DIAPH3: variants seen among roughly 807,000 people sequenced by gnomAD.
DIAPH3 encodes protein diaphanous homolog 3.
In DIAPH3, 117 loss-of-function variants were observed where a neutral mutation model predicts 144.3. The ratio of observed to expected loss-of-function variants is 0.81; its 90% CI spans 0.70 to 0.95. The LOEUF is 0.95. Among genes scored for constraint, DIAPH3 ranks in the 40% least tolerant of loss-of-function variants. DIAPH3 has a pLI of 0.00. For missense variants in DIAPH3, 1,421 were observed against 1,412.7 expected (o/e 1.01, Z -0.09); for synonymous variants, 519 against 488.9 (o/e 1.06, Z -0.81).
intron 13 of DIAPH3, among the ~76,000 whole-genome samples, chr13:59,981,544 C>T (rs960554524): frequency 1.1e-4 from 17 of 149,152 alleles, no homozygotes; most frequent in African/African-American, 3.9e-4. Context: ...AACTTAAATG[C>T]CCATCAATAA....
intron 3 of DIAPH3, among the ~76,000 whole-genome samples, chr13:60,100,337 C>T (rs1273261276): frequency 6.6e-6 from 1 of 151,980 alleles, no homozygotes; most frequent in African/African-American, 2.4e-5. Flanking sequence ...CAGGCAAACC[C>T]AAATTGAGAG....
chr13:60,064,949 C>T (rs2056899561), intron 4 of DIAPH3, among the ~76,000 whole-genome samples: 3 of 151,938 alleles, frequency 2.0e-5, no homozygotes, highest in Non-Finnish European at 4.4e-5. Context: ...AATAGGGAGG[C>T]CCAAGGAGAG....
intron 4 of DIAPH3, among the ~76,000 whole-genome samples, chr13:60,067,348 C>A (rs1486825814): frequency 6.6e-6 from 1 of 151,920 alleles, no homozygotes; most frequent in Non-Finnish European, 1.5e-5. Flanking sequence ...TCTTCCAATG[C>A]ATTTACTCAA....
chr13:59,903,469 G>A (rs2046562727), intron 20 of DIAPH3, among the ~76,000 whole-genome samples: 1 of 152,008 alleles, frequency 6.6e-6, no homozygotes, highest in Admixed American at 6.6e-5. Flanking sequence ...AACAAGTATT[G>A]TATAGAGTAC....
At chr13:59,766,578 C>T (rs2037869289) in intron 27 of DIAPH3, among the ~76,000 whole-genome samples, 2 of 152,176 alleles carry the variant, frequency 1.3e-5, no homozygotes, top group Non-Finnish European at 2.9e-5. Context: ...CCTATGCTTT[C>T]ATATCCCATT....
chr13:59,830,481 A>G (rs1449751173), intron 24 of DIAPH3, among the ~76,000 whole-genome samples: 1 of 151,830 alleles, frequency 6.6e-6, no homozygotes, highest in Non-Finnish European at 1.5e-5. Context: ...AGTGCAGTGT[A>G]CACATGAATG....
intron 27 of DIAPH3, among the ~76,000 whole-genome samples, chr13:59,741,298 T>C (rs1018082156): frequency 2.6e-5 from 4 of 152,026 alleles, no homozygotes; most frequent in African/African-American, 9.7e-5. Context: ...AAAATCTGAG[T>C]GAATATCTAT....
At chr13:60,130,181 G>C (rs1191676707) in intron 2 of DIAPH3, among the ~76,000 whole-genome samples, 4 of 152,154 alleles carry the variant, frequency 2.6e-5, no homozygotes, top group Admixed American at 2.6e-4. Context: ...TTTCTACACT[G>C]TATCAGTCAA....
At chr13:59,696,271 T>A (rs2033795766) in intron 27 of DIAPH3, 1 of 152,232 alleles carries the variant, frequency 6.6e-6, no homozygotes, top group South Asian at 2.1e-4. Flanking sequence ...TCATATTATC[T>A]GGATTGATTT....
At chr13:59,757,469 C>T (rs1176862762) in intron 27 of DIAPH3, among the ~76,000 whole-genome samples, 2 of 138,616 alleles carry the variant, frequency 1.4e-5, no homozygotes, top group South Asian at 2.3e-4. Context: ...GGCGCAATCT[C>T]GGCTCACTGC....
intron 5 of DIAPH3, chr13:60,034,350 T>C (rs906713885): frequency 2.0e-5 from 3 of 151,438 alleles, no homozygotes; most frequent in African/African-American, 7.3e-5. Flanking sequence ...GTTTAATGAG[T>C]TTTTTTTTCC....
chr13:60,071,200 C>T (rs1441859780), intron 4 of DIAPH3, among the ~76,000 whole-genome samples: 2 of 152,126 alleles, frequency 1.3e-5, no homozygotes, highest in Non-Finnish European at 2.9e-5. Flanking sequence ...ATTGTTCTGA[C>T]CTATTTGTAG....
In DIAPH3 at chr13:59,823,559, C is replaced by T. The variant is rs767988664; in HGVS notation, c.3027+9548G>A. Among the ~76,000 whole-genome samples, 34 of 152,238 alleles carry T rather than the reference C, an allele frequency of 2.2e-4. No homozygotes were observed. In the Middle Eastern group the frequency reaches 0.02, roughly 91 times the overall value. On this transcript the variant is annotated intron_variant, in intron 24 of 27. Transcript: ENST00000400324. ...AATTAAGCAAGGATAGAAGATGCTTCCTATTAAAATTGCAAAAGCTGGCTC... is the reference window on the plus strand; with the variant it reads ...AATTAAGCAAGGATAGAAGATGCTTTCTATTAAAATTGCAAAAGCTGGCTC...
At position 59,714,082 on chromosome 13, in the gene DIAPH3, C is replaced by T. The variant is rs1466748552; in HGVS notation, c.3320-47236G>A. 2.6e-5 allele frequency among the ~76,000 whole-genome samples: 4 copies of T among 151,974 alleles called. No homozygotes were observed. The East Asian group carries it at 5.8e-4, about 22-fold the overall frequency. ...CTGTTTTAAAAAATTTAGCTAGGGCCGGGCGCGGTGGCTCACGCCTGTAAT... is the reference window on the plus strand; with the variant it reads ...CTGTTTTAAAAAATTTAGCTAGGGCTGGGCGCGGTGGCTCACGCCTGTAAT... On this transcript the variant is annotated intron_variant, in intron 27 of 27. Coordinates refer to ENST00000400324, the MANE Select transcript of DIAPH3 (RefSeq NM_001042517.2).
chr13:59,856,200 G>A lies in DIAPH3; in HGVS notation c.2737+5207C>T, dbSNP rs552578754. 2.8e-4 allele frequency among the ~76,000 whole-genome samples: 43 copies of A among 152,220 alleles called. No homozygotes were observed. In the South Asian group the frequency reaches 8.7e-3, roughly 31 times the overall value. On this transcript the variant is annotated intron_variant, in intron 22 of 27. Transcript: ENST00000400324. ...TGATATTTCTAAATTGATTACTAGT[G>A]CACATCCAACACAGCAGCTCTACAA...
chr13:60,124,328 A>G (rs1375195844), intron 2 of DIAPH3, among the ~76,000 whole-genome samples: 1 of 152,210 alleles, frequency 6.6e-6, no homozygotes, highest in African/African-American at 2.4e-5. Context: ...GGGCGCAGGC[A>G]GCAGTTGTTC....
intron 4 of DIAPH3, among the ~76,000 whole-genome samples, chr13:60,072,607 T>C (rs981966278): frequency 1.3e-5 from 2 of 152,170 alleles, no homozygotes; most frequent in Non-Finnish European, 2.9e-5. Context: ...TGTATCTTTA[T>C]CAAAATATAC....
intron 22 of DIAPH3, among the ~76,000 whole-genome samples, chr13:59,841,709 T>C (rs1026760044): frequency 1.1e-4 from 16 of 152,314 alleles, no homozygotes; most frequent in African/African-American, 3.6e-4. Flanking sequence ...GTAATTGTTA[T>C]ATTAGTAGCA....
chr13:59,835,847 C>T (rs1014527643), intron 23 of DIAPH3, among the ~76,000 whole-genome samples: 1 of 151,732 alleles, frequency 6.6e-6, no homozygotes, highest in Non-Finnish European at 1.5e-5. Flanking sequence ...CTGAAAAATG[C>T]TGTACATTAT....
Sources: allele counts gnomAD v4.1 joint callset (sites outside exome capture counted in the v4.1 genomes callset), GRCh38; gene constraint gnomAD v4.1.1; transcripts MANE v1.5; gene names NCBI Gene and HGNC (gene_info 2026-07-23, HGNC 2026-07-21).